GMDS: variants seen among roughly 807,000 people sequenced by gnomAD.
The protein encoded by GMDS is GDP-mannose 4,6 dehydratase.
A neutral mutation model predicts 49.9 loss-of-function variants in GMDS; 20 were observed. That is an observed-to-expected ratio of 0.40 (90% CI 0.28 to 0.58). The LOEUF (loss-of-function observed/expected upper bound fraction) is 0.58, where lower values mean the gene tolerates loss of function less well. Ranked by LOEUF, GMDS falls within the 20% of genes least tolerant of loss-of-function variation. GMDS has a pLI of 0.42. For synonymous variants in GMDS, 177 were observed against 178.6 expected, an observed-to-expected ratio of 0.99 and a Z score of 0.07; for missense variants, 362 against 481.4, an observed-to-expected ratio of 0.75 and a Z score of 2.32.
At chr6:2,115,923 A>C in intron 3 of GMDS, 43 bp from the exon 4 acceptor site, 1 of 1,097,610 alleles carries the variant, frequency 9.1e-7, no homozygotes, top group Non-Finnish European at 1.4e-6. Context: ...GAAAAGCAAC[A>C]TAAGCTCAAT....
chr6:2,158,463 A>C (rs1777217743), intron 1 of GMDS, among the ~76,000 whole-genome samples: 1 of 152,230 alleles, frequency 6.6e-6, no homozygotes, highest in Non-Finnish European at 1.5e-5. Flanking sequence ...TTGTAAAGCA[A>C]AATTTCCAAT....
At chr6:2,175,842 C>G (rs373096583) in intron 1 of GMDS, 1 of 711,654 alleles carries the variant, frequency 1.4e-6, no homozygotes, top group East Asian at 2.7e-5. Context: ...TGCATGAACC[C>G]ACGTAAGTTC....
chr6:1,663,115 G>A (rs1764131409), intron 9 of GMDS, among the ~76,000 whole-genome samples: 1 of 152,148 alleles, frequency 6.6e-6, no homozygotes, highest in Non-Finnish European at 1.5e-5. Flanking sequence ...AGAACTTACT[G>A]CTCAAATATG....
intron 4 of GMDS, among the ~76,000 whole-genome samples, chr6:2,036,423 C>T (rs1769310303): frequency 6.6e-6 from 1 of 152,066 alleles, no homozygotes; most frequent in Non-Finnish European, 1.5e-5. Flanking sequence ...AAAAAAAAAT[C>T]ACTGATTTTC....
At chr6:1,736,353 AG>A (rs564696939) in intron 8 of GMDS, among the ~76,000 whole-genome samples, 1 of 152,210 alleles carries the variant, frequency 6.6e-6, no homozygotes, top group Non-Finnish European at 1.5e-5. Flanking sequence ...GAAAGCGAGA[AG>A]AAAAAGAGAA....
intron 4 of GMDS, among the ~76,000 whole-genome samples, chr6:1,966,841 C>T (rs1340675734): frequency 2.0e-5 from 3 of 152,164 alleles, no homozygotes; most frequent in Non-Finnish European, 4.4e-5. Context: ...CACTTCCTTC[C>T]CTGCACAGTT....
At chr6:2,183,187 A>G (rs981376988) in intron 1 of GMDS, among the ~76,000 whole-genome samples, 1 of 152,130 alleles carries the variant, frequency 6.6e-6, no homozygotes, top group African/African-American at 2.4e-5. Context: ...TAAGAAATGC[A>G]TTTTTCTTAG....
chr6:2,132,599 A>C (rs937433830), intron 1 of GMDS, among the ~76,000 whole-genome samples: 4 of 152,184 alleles, frequency 2.6e-5, no homozygotes, highest in African/African-American at 7.2e-5. Flanking sequence ...CATGGACAGA[A>C]GGTGGCAAGG....
chr6:2,203,892 A>G (rs1185511918), intron 1 of GMDS, among the ~76,000 whole-genome samples: 2 of 152,198 alleles, frequency 1.3e-5, no homozygotes, highest in Admixed American at 6.5e-5. Flanking sequence ...TTGTAAGACT[A>G]AAGATTATTG....
At chr6:2,182,934 C>T (rs1434098843) in intron 1 of GMDS, among the ~76,000 whole-genome samples, 1 of 152,158 alleles carries the variant, frequency 6.6e-6, no homozygotes, top group African/African-American at 2.4e-5. Context: ...TCTCAAGCTC[C>T]TGGGCTCAAA....
intron 1 of GMDS, among the ~76,000 whole-genome samples, chr6:2,228,819 G>A (rs1219795029): frequency 6.6e-6 from 1 of 152,116 alleles, no homozygotes; most frequent in Admixed American, 6.5e-5. Flanking sequence ...AATACCCCCC[G>A]TTGACAGCTT....
intron 6 of GMDS, among the ~76,000 whole-genome samples, chr6:1,955,018 A>T (rs1369326781): frequency 6.6e-6 from 1 of 152,136 alleles, no homozygotes; most frequent in African/African-American, 2.4e-5. Flanking sequence ...ATATAATAAT[A>T]ATCAGAAGTT....
intron 1 of GMDS, among the ~76,000 whole-genome samples, chr6:2,139,676 G>A (rs928912490): frequency 1.3e-5 from 2 of 152,282 alleles, no homozygotes; most frequent in Admixed American, 1.3e-4. Context: ...AAGTCACAAA[G>A]CTATTAACTG....
chr6:1,919,582 C>T (rs996047970), intron 7 of GMDS, among the ~76,000 whole-genome samples: 1 of 152,078 alleles, frequency 6.6e-6, no homozygotes, highest in Admixed American at 6.5e-5. Context: ...TTAACTATAC[C>T]TCAAATTTAT....
At position 1,624,827 on chromosome 6, in the gene GMDS, C is replaced by CTT. The variant is rs551321002; in HGVS notation, c.988-289_988-288dup. ...CAAGGCGTCCCTTGGGCTCTTAATG[C>CTT]TTTTTTTTTTTTTTTTTTTTTTTTT... On this transcript the variant is annotated intron_variant, in intron 9 of 10. Transcript: ENST00000380815. 168 of 83,298 alleles carry CTT rather than the reference C, an allele frequency of 2.0e-3. 7 individuals are homozygous for CTT. The highest frequency in any genetic ancestry group is 3.9e-3 in the South Asian group (8 of 2,068). 5.2% of individuals were successfully genotyped at this position (83,298 alleles called of 1,614,324 possible).
At chr6:1,967,539 A>C (rs1765321982) in intron 4 of GMDS, among the ~76,000 whole-genome samples, 1 of 152,236 alleles carries the variant, frequency 6.6e-6, no homozygotes, top group Non-Finnish European at 1.5e-5. Context: ...ATAAATTCCA[A>C]AGCTCTAGCA....
intron 4 of GMDS, among the ~76,000 whole-genome samples, chr6:2,010,252 G>A (rs766620111): frequency 1.5e-4 from 22 of 150,654 alleles, no homozygotes; most frequent in Non-Finnish European, 2.1e-4. Flanking sequence ...GCTTGAACCC[G>A]AGAGGCAGAG....
chr6:1,764,143 A>G (rs1768262235), intron 7 of GMDS, among the ~76,000 whole-genome samples: 1 of 152,172 alleles, frequency 6.6e-6, no homozygotes, highest in African/African-American at 2.4e-5. Context: ...AGCAGTAAAA[A>G]CAGTGCTGGT....
intron 1 of GMDS, among the ~76,000 whole-genome samples, chr6:2,216,388 T>C (rs1341679680): frequency 6.6e-6 from 1 of 152,270 alleles, no homozygotes; most frequent in African/African-American, 2.4e-5. Flanking sequence ...TGATCTTTAC[T>C]GGCTTAAGTT....
Sources: gnomAD v4.1 joint callset for allele counts (sites outside exome capture counted in the v4.1 genomes callset) on GRCh38, gnomAD v4.1.1 for gene constraint, MANE v1.5 for transcripts, NCBI Gene and HGNC (gene_info 2026-07-23, HGNC 2026-07-21) for gene names.